Variants in IL7R observed in about 807,000 individuals in gnomAD.
IL7R encodes the protein interleukin 7 receptor.
A neutral mutation model predicts 47.0 loss-of-function variants in IL7R; 38 were observed. The ratio of observed to expected loss-of-function variants is 0.81; its 90% CI spans 0.62 to 1.06. The LOEUF is 1.06. IL7R is among the 50% of genes least tolerant of loss of function. The pLI, the probability that IL7R is intolerant of heterozygous loss-of-function variation, is 0.00. For missense variants in IL7R, 633 were observed against 534.8 expected, an observed-to-expected ratio of 1.18 and a Z score of -1.81; for synonymous variants, 221 against 199.8, an observed-to-expected ratio of 1.11 and a Z score of -0.89.
At position 35,866,240 on chromosome 5, in the gene IL7R, T is replaced by C. The variant is rs1257570164; in HGVS notation, c.222-1066T>C. On this transcript the variant is annotated intron_variant, in intron 2 of 7. Transcript: ENST00000303115. The stretch of plus-strand genomic sequence containing the variant: ...TTATATTGATTAATTTTTGAATCTT[T>C]AACCTGCTTTGGTTTCCTGAGATGT... 2.6e-5 allele frequency among the ~76,000 whole-genome samples: 4 copies of C among 152,310 alleles called. No homozygotes were observed. The East Asian group carries it at 5.8e-4, about 22-fold the overall frequency.
At chr5:35,861,781 T>C (rs1026942874) in intron 2 of IL7R, among the ~76,000 whole-genome samples, 1 of 152,156 alleles carries the variant, frequency 6.6e-6, no homozygotes, top group Non-Finnish European at 1.5e-5. Flanking sequence ...ATAAGTCATC[T>C]CTTGTTGCCA....
rs1036441865 is a variant in IL7R at position 35,860,871 on chromosome 5, A to G, written c.102A>G (p.Glu34=). 3 of 1,613,518 alleles carry G rather than the reference A, an allele frequency of 1.9e-6. No homozygotes were observed. Among genetic ancestry groups the G allele is most frequent in the African/African-American group, 2.7e-5 (2 of 74,906 alleles). The change falls in exon 2 of 8, where the codon GAA becomes GAG. Residue 34 remains glutamate, a synonymous_variant. Coordinates refer to ENST00000303115, the MANE Select transcript of IL7R (RefSeq NM_002185.5). ...CCCCAGGAGACTTGGAAGATGCAGA[A>G]CTGGATGACTACTCATTCTCATGCT... ...YAQNGDLEDA[E]LDDYSFSCYS...
At chr5:35,873,928 C>T (rs769654853) in intron 5 of IL7R, among the ~76,000 whole-genome samples, 2 of 152,172 alleles carry the variant, frequency 1.3e-5, no homozygotes, top group African/African-American at 4.8e-5. Context: ...CCACCCACTA[C>T]GTCCAGTTAA....
rs544982778 is a variant in IL7R at position 35,865,251 on chromosome 5, T to C, written c.222-2055T>C. 5.3e-5 allele frequency among the ~76,000 whole-genome samples: 8 copies of C among 152,264 alleles called. No individual in the cohort carries two copies. The East Asian group carries it at 1.4e-3, about 26-fold the overall frequency. ...TGTGATAGTTTGCTGAGAATGATGG[T>C]TTCCAGCTTCATCCATGTCCCTATA... On this transcript the variant is annotated intron_variant, in intron 2 of 7. Transcript: ENST00000303115.
Position 35,876,614 on chromosome 5 carries a change from A to C in IL7R, c.*128A>C. 1 of 956,908 alleles carries C rather than the reference A, an allele frequency of 1.0e-6. No homozygotes were observed. Among genetic ancestry groups the C allele is most frequent in the Non-Finnish European group, 1.6e-6 (1 of 618,204 alleles). 59.3% of individuals were successfully genotyped at this position (956,908 alleles called of 1,614,324 possible). The stretch of plus-strand genomic sequence containing the variant: ...AGCAAAACCCCACTACACAGTCTGC[A>C]AGATTCTGAAACATTGCTTTGACCA... On this transcript the variant is annotated 3_prime_UTR_variant, in exon 8 of 8. Transcript: ENST00000303115.
In IL7R at chr5:35,873,467, C is replaced by G. The variant is rs1362354802; in HGVS notation, c.538-13C>G. 6.2e-7 allele frequency: 1 copy of G among 1,612,038 alleles called. No homozygotes were observed. ...TTCCCATCCTAAGAATGTAACTGCACTCTACTCTCTAGCATGTGAATTTAT... is the reference window on the plus strand; with the variant it reads ...TTCCCATCCTAAGAATGTAACTGCAGTCTACTCTCTAGCATGTGAATTTAT... On this transcript the variant is annotated splice_polypyrimidine_tract_variant and intron_variant, in intron 4 of 7. Coordinates refer to ENST00000303115, the MANE Select transcript of IL7R (RefSeq NM_002185.5).
chr5:35,858,885 T>C (rs1361770100), intron 1 of IL7R, among the ~76,000 whole-genome samples: 1 of 152,166 alleles, frequency 6.6e-6, no homozygotes, highest in African/African-American at 2.4e-5. Context: ...GGACCACAGG[T>C]AGAGTATCCA....
Position 35,876,679 on chromosome 5 carries a change from C to T in IL7R, c.*193C>T. 1.6e-6 allele frequency: 1 copy of T among 639,536 alleles called. No homozygotes were observed. Among genetic ancestry groups the T allele is most frequent in the Non-Finnish European group, 2.8e-6 (1 of 360,282 alleles). The allele number at this position is 639,536 out of a possible 1,614,324, so 39.6% of individuals were successfully genotyped here. On this transcript the variant is annotated 3_prime_UTR_variant, in exon 8 of 8. Coordinates refer to ENST00000303115, the MANE Select transcript of IL7R (RefSeq NM_002185.5). ...AGTGGCACTCAACATGAGTCAAGAG[C>T]ATCCTGCTTCTACCATGTGGATTTG...
At position 35,878,592 on chromosome 5, in the gene IL7R, G is replaced by T. The variant is rs1241975880; in HGVS notation, c.*2106G>T. ...AGACATTTTTCATCAGTGGGCAGGTGTTCTTTACCTTTTGTAGAAATGGGA... is the reference window on the plus strand; with the variant it reads ...AGACATTTTTCATCAGTGGGCAGGTTTTCTTTACCTTTTGTAGAAATGGGA... On this transcript the variant is annotated 3_prime_UTR_variant, in exon 8 of 8. Transcript: ENST00000303115. 3 of 232,980 alleles carry T rather than the reference G, an allele frequency of 1.3e-5. No homozygotes were observed. Among genetic ancestry groups the T allele is most frequent in the Non-Finnish European group, 2.5e-5 (3 of 117,868 alleles). The allele number at this position is 232,980 out of a possible 1,614,324, so 14.4% of individuals were successfully genotyped here.
chr5:35,874,530 T>C lies in IL7R; in HGVS notation c.788T>C (p.Leu263Ser), dbSNP rs1369125529. 6.2e-7 allele frequency: 1 copy of C among 1,612,082 alleles called. No individual in the cohort carries two copies. The highest frequency in any genetic ancestry group is 1.7e-5 in the Admixed American group (1 of 60,018). ...CTGTTGGTCATCTTGGCCTGTGTGT[T>C]ATGGAAAAAAAGGTGACCTTCTTCA... ...VALLVILACV[L>S]WKKRIKPIVW... The change falls in exon 6 of 8, where the codon TTA becomes TCA. Residue 263 changes from leucine to serine, a missense_variant. Leu to Ser is a moderately radical substitution (Grantham distance 145). Transcript: ENST00000303115.
At chr5:35,858,619 A>G (rs1389832) in intron 1 of IL7R, among the ~76,000 whole-genome samples, 107,593 of 152,084 alleles carry the variant, frequency 0.71, 39,216 homozygotes, top group African/African-American at 0.87. Flanking sequence ...TCAAAACCAT[A>G]GTAATTATAA....
In IL7R at chr5:35,870,776, C is replaced by T. The variant is rs186844981; in HGVS notation, c.380-280C>T. Among the ~76,000 whole-genome samples, 14 of 152,230 alleles carry T rather than the reference C, an allele frequency of 9.2e-5. No homozygotes were observed. The East Asian group carries it at 2.1e-3, about 23-fold the overall frequency. On this transcript the variant is annotated intron_variant, in intron 3 of 7. Coordinates refer to ENST00000303115, the MANE Select transcript of IL7R (RefSeq NM_002185.5). ...CAGGACTCCAAGTGGTGGAAGAGGACGGAGCAGAGGAGTCACACATGGGTG... is the reference window on the plus strand; with the variant it reads ...CAGGACTCCAAGTGGTGGAAGAGGATGGAGCAGAGGAGTCACACATGGGTG...
rs567845379 is a variant in IL7R, at chr5:35,861,096, T to C, written c.221+106T>C. ...AAGAATATGTGGCCTAATTAACAAA[T>C]GTTAACATCTAAGGAATTCCCAAAG... On this transcript the variant is annotated intron_variant, in intron 2 of 7. Transcript: ENST00000303115. 13 of 1,218,154 alleles carry C rather than the reference T, an allele frequency of 1.1e-5. No individual in the cohort carries two copies. In the East Asian group the frequency reaches 1.9e-4, roughly 17 times the overall value. The allele number at this position is 1,218,154 out of a possible 1,614,324, so 75.5% of individuals were successfully genotyped here. A position where few individuals can be genotyped will look rare whatever the true frequency, so the allele number is the denominator to read the frequency against.
chr5:35,876,078 G>A lies in IL7R; in HGVS notation c.972G>A (p.Leu324=), dbSNP rs779019330. 1.2e-6 allele frequency: 2 copies of A among 1,614,192 alleles called. No individual in the cohort carries two copies. Among genetic ancestry groups the A allele is most frequent in the South Asian group, 1.1e-5 (1 of 91,084 alleles). ...IQARDEVEGF[L]QDTFPQQLEE... ...CTAGAGATGAAGTGGAAGGTTTTCT[G>A]CAAGATACGTTTCCTCAGCAACTAG... is the stretch of plus-strand genomic sequence containing the variant. The change falls in exon 8 of 8, where the codon CTG becomes CTA. Residue 324 remains leucine (L), a synonymous_variant. Coordinates refer to ENST00000303115, the MANE Select transcript of IL7R (RefSeq NM_002185.5).
At chr5:35,870,017 A>G (rs1760031775) in intron 3 of IL7R, among the ~76,000 whole-genome samples, 1 of 152,160 alleles carries the variant, frequency 6.6e-6, no homozygotes, top group Non-Finnish European at 1.5e-5. Context: ...AAGTAACTTT[A>G]AATCCCAGCT....
chr5:35,856,960 C>G lies in IL7R; in HGVS notation c.-18C>G. 2 of 1,433,652 alleles carry G rather than the reference C, an allele frequency of 1.4e-6. No individual in the cohort carries two copies. Among genetic ancestry groups the G allele is most frequent in the South Asian group, 1.1e-5 (1 of 87,522 alleles). 88.8% of individuals were successfully genotyped at this position (1,433,652 alleles called of 1,614,324 possible). On this transcript the variant is annotated 5_prime_UTR_variant, in exon 1 of 8. Coordinates refer to ENST00000303115, the MANE Select transcript of IL7R (RefSeq NM_002185.5). ...ACACTGGCTCACACATCTACTCTCTCTCTCTATCTCTCTCAGAATGACAAT... is the reference window on the plus strand; with the variant it reads ...ACACTGGCTCACACATCTACTCTCTGTCTCTATCTCTCTCAGAATGACAAT...
At chr5:35,859,211 G>A (rs1759737263) in intron 1 of IL7R, among the ~76,000 whole-genome samples, 1 of 152,112 alleles carries the variant, frequency 6.6e-6, no homozygotes, top group Admixed American at 6.6e-5. Flanking sequence ...TTTGTTATGT[G>A]GGTGCTGACA....
chr5:35,875,300 T>C (rs535636808), intron 6 of IL7R: 9 of 615,690 alleles, frequency 1.5e-5, no homozygotes, highest in African/African-American at 1.3e-4. Context: ...AATGGATTGA[T>C]ATCTGTGGTC....
intron 6 of IL7R, 93 bp downstream of exon 6, chr5:35,874,635 G>A (rs1760161318): frequency 3.1e-6 from 3 of 960,386 alleles, no homozygotes; most frequent in African/African-American, 1.6e-5. Flanking sequence ...ACCACAAAGG[G>A]GATTAAGGCA....
Sources: allele counts gnomAD v4.1 joint callset (sites outside exome capture counted in the v4.1 genomes callset), GRCh38; gene constraint gnomAD v4.1.1; transcripts MANE v1.5; gene names NCBI Gene and HGNC (gene_info 2026-07-23, HGNC 2026-07-21).